KCND2: variants seen among roughly 807,000 people sequenced by gnomAD.
The protein encoded by KCND2 is A-type voltage-gated potassium channel KCND2.
Under a neutral mutation model 54.4 loss-of-function variants are expected in KCND2, and 16 were observed. The ratio of observed to expected loss-of-function variants is 0.29; its 90% CI spans 0.20 to 0.45. The LOEUF (loss-of-function observed/expected upper bound fraction) is 0.45. KCND2 is among the 20% of genes least tolerant of loss of function. The pLI is 1.00. For synonymous variants in KCND2, 317 were observed against 310.7 expected (o/e 1.02, Z -0.21); for missense variants, 486 against 824.2 (o/e 0.59, Z 5.02).
At chr7:120,568,366 AT>A (rs1299278990) in intron 1 of KCND2, among the ~76,000 whole-genome samples, 2 of 152,110 alleles carry the variant, frequency 1.3e-5, no homozygotes, top group Non-Finnish European at 2.9e-5. Flanking sequence ...GTACAATTTC[AT>A]TATTAGGATA....
At chr7:120,507,168 A>T (rs1382658982) in intron 1 of KCND2, among the ~76,000 whole-genome samples, 1 of 151,932 alleles carries the variant, frequency 6.6e-6, no homozygotes, top group Non-Finnish European at 1.5e-5. Flanking sequence ...CATTTTAAGG[A>T]AAGAGAGTTT....
intron 1 of KCND2, among the ~76,000 whole-genome samples, chr7:120,381,618 C>A (rs1800916546): frequency 1.3e-5 from 2 of 151,950 alleles, no homozygotes; most frequent in Non-Finnish European, 2.9e-5. Context: ...ATAGAACTGT[C>A]ATTTGTAATT....
intron 1 of KCND2, among the ~76,000 whole-genome samples, chr7:120,279,031 A>G (rs184730919): frequency 5.3e-5 from 8 of 152,006 alleles, no homozygotes; most frequent in Admixed American, 4.6e-4. Context: ...CCTTATTAGA[A>G]AAAGAACCTG....
At chr7:120,539,404 A>C (rs561842558) in intron 1 of KCND2, among the ~76,000 whole-genome samples, 1 of 152,192 alleles carries the variant, frequency 6.6e-6, no homozygotes, top group Non-Finnish European at 1.5e-5. Context: ...TCTTGCAAGG[A>C]TATCAATGTC....
rs545156470 is a variant in KCND2, at chr7:120,410,958, C to T, written c.1115+135211C>T. On this transcript the variant is annotated intron_variant, in intron 1 of 5. Transcript: ENST00000331113. ...ATCCAGATTATCAATGATGGACATT[C>T]GGGTTGGTTCCAAGTTAGGAAAAGA... 3.3e-5 allele frequency among the ~76,000 whole-genome samples: 5 copies of T among 151,686 alleles called. 1 individual carries two copies. The highest frequency in any genetic ancestry group is 4.2e-4 in the South Asian group (2 of 4,812).
At chr7:120,303,609 A>G (rs540925486) in intron 1 of KCND2, among the ~76,000 whole-genome samples, 4 of 152,178 alleles carry the variant, frequency 2.6e-5, no homozygotes, top group Admixed American at 6.6e-5. Context: ...GCATTTCCCA[A>G]CTTCATGCTC....
intron 1 of KCND2, among the ~76,000 whole-genome samples, chr7:120,456,854 C>T (rs536612215): frequency 3.2e-4 from 48 of 152,194 alleles, no homozygotes; most frequent in Non-Finnish European, 6.0e-4. Flanking sequence ...ATTTCCCTTC[C>T]ACACTGCCTT....
chr7:120,742,299 G>A, intron 3 of KCND2: 2 of 547,112 alleles, frequency 3.7e-6, no homozygotes, highest in Admixed American at 3.0e-5. Flanking sequence ...AATTCAAGGA[G>A]GCATGTCTAA....
At chr7:120,373,948 T>C (rs1800801338) in intron 1 of KCND2, among the ~76,000 whole-genome samples, 1 of 151,804 alleles carries the variant, frequency 6.6e-6, no homozygotes. Flanking sequence ...TTATATATTC[T>C]ATCGCATTTG....
intron 1 of KCND2, among the ~76,000 whole-genome samples, chr7:120,503,176 G>T (rs1802961792): frequency 1.3e-5 from 2 of 151,828 alleles, no homozygotes; most frequent in Admixed American, 6.6e-5. Context: ...GATCAAATAA[G>T]AAAAAAGCAA....
At chr7:120,434,468 C>A (rs1246535300) in intron 1 of KCND2, among the ~76,000 whole-genome samples, 1 of 152,198 alleles carries the variant, frequency 6.6e-6, no homozygotes, top group Non-Finnish European at 1.5e-5. Context: ...CCCTGCTTGT[C>A]AGCACTCTGT....
Position 120,622,664 on chromosome 7 carries a change from T to TACACACACAC in KCND2, c.1116-110222_1116-110213dup, listed in dbSNP as rs138167439. Reference sequence around the variant, plus strand: ...CTTTAAAGTAACACTTCCTTTTCCTTACACACACACACACACACACACACA... The same window carrying TACACACACAC: ...CTTTAAAGTAACACTTCCTTTTCCTTACACACACACACACACACACACACACACACACACA... On this transcript the variant is annotated intron_variant, in intron 1 of 5. Coordinates refer to ENST00000331113, the MANE Select transcript of KCND2 (RefSeq NM_012281.3). 8.2e-5 allele frequency among the ~76,000 whole-genome samples: 11 copies of TACACACACAC among 134,968 alleles called. No homozygotes were observed. The South Asian group carries it at 1.7e-3, about 21-fold the overall frequency. 88.5% of individuals were successfully genotyped at this position (134,968 alleles called of 152,430 possible).
intron 1 of KCND2, among the ~76,000 whole-genome samples, chr7:120,549,499 AC>A (rs1792081117): frequency 6.6e-6 from 1 of 152,200 alleles, no homozygotes; most frequent in South Asian, 2.1e-4. Context: ...GTGTTGATTA[AC>A]ACTGCTGTAG....
chr7:120,381,769 T>C (rs1800919460), intron 1 of KCND2, among the ~76,000 whole-genome samples: 1 of 152,070 alleles, frequency 6.6e-6, no homozygotes, highest in South Asian at 2.1e-4. Context: ...TACATAACTA[T>C]AAGGTTTGGT....
At chr7:120,459,230 C>T (rs1013788113) in intron 1 of KCND2, among the ~76,000 whole-genome samples, 9 of 152,106 alleles carry the variant, frequency 5.9e-5, no homozygotes, top group African/African-American at 2.2e-4. Context: ...TGCTCCCTTG[C>T]CGTTCTTCCG....
At position 120,375,506 on chromosome 7, in the gene KCND2, A is replaced by T. The variant is rs1404296784; in HGVS notation, c.1115+99759A>T. 2.0e-5 allele frequency among the ~76,000 whole-genome samples: 3 copies of T among 151,818 alleles called. No homozygotes were observed. In the Admixed American group the frequency reaches 2.0e-4, roughly 10 times the overall value. On this transcript the variant is annotated intron_variant, in intron 1 of 5. Coordinates refer to ENST00000331113, the MANE Select transcript of KCND2 (RefSeq NM_012281.3). ...TTAAATGTACCATAACAGTGGAAAT[A>T]TGCGTTTTCAATATGCTGCATGAGT...
chr7:120,595,467 A>ATATATATATATGTGTATATATATT (rs1792728067), intron 1 of KCND2, among the ~76,000 whole-genome samples: 1 of 127,132 alleles, frequency 7.9e-6, no homozygotes. Context: ...AAAAATATAT[A>ATATATATATATGTGTATATATATT]TATATATATA....
chr7:120,572,907 C>T (rs1287724464), intron 1 of KCND2, among the ~76,000 whole-genome samples: 1 of 152,176 alleles, frequency 6.6e-6, no homozygotes, highest in Non-Finnish European at 1.5e-5. Flanking sequence ...TCCAAACACA[C>T]ACATATGCAC....
intron 1 of KCND2, among the ~76,000 whole-genome samples, chr7:120,691,922 A>G (rs1169914862): frequency 6.6e-6 from 1 of 152,196 alleles, no homozygotes; most frequent in Non-Finnish European, 1.5e-5. Context: ...CAGAAAGAAA[A>G]TGTTTCAAGG....
Sources: allele counts gnomAD v4.1 joint callset (sites outside exome capture counted in the v4.1 genomes callset), GRCh38; gene constraint gnomAD v4.1.1; transcripts MANE v1.5; gene names NCBI Gene and HGNC (gene_info 2026-07-23, HGNC 2026-07-21).